Variants in MILR1 observed in about 807,000 individuals in gnomAD.
The protein encoded by MILR1 is mast cell immunoglobulin like receptor 1.
A neutral mutation model predicts 18.5 loss-of-function variants in MILR1; 31 were observed. The ratio of observed to expected loss-of-function variants is 1.68; its 90% CI spans 1.26 to 2.26. The LOEUF (loss-of-function observed/expected upper bound fraction) is 2.26. MILR1 is among the 30% of genes most tolerant of loss of function. The pLI is 0.00. For synonymous variants in MILR1, 85 were observed against 56.2 expected, an observed-to-expected ratio of 1.51 and a Z score of -2.30; for missense variants, 257 against 157.4, an observed-to-expected ratio of 1.63 and a Z score of -3.38.
At chr17:64,485,672 A>C in the MILR1 span, 2 of 1,380,198 alleles carry the variant, frequency 1.4e-6, no homozygotes, top group Non-Finnish European at 1.0e-6. Context: ...AACATTAAGA[A>C]CAAACAAACC....
the MILR1 span, chr17:64,491,460 T>G: frequency 4.0e-6 from 4 of 995,436 alleles, no homozygotes; most frequent in South Asian, 5.4e-5. Flanking sequence ...CAGTGAGCTG[T>G]GATTGTGCAA....
the MILR1 span, among the ~76,000 whole-genome samples, chr17:64,482,435 C>A: frequency 6.6e-6 from 1 of 151,820 alleles, no homozygotes; most frequent in Non-Finnish European, 1.5e-5. Flanking sequence ...GATTCTCCTG[C>A]CTTAGCCTCC....
At chr17:64,459,422 G>C (rs1178669200) in intron 4 of MILR1, among the ~76,000 whole-genome samples, 1 of 151,674 alleles carries the variant, frequency 6.6e-6, no homozygotes, top group Non-Finnish European at 1.5e-5. Flanking sequence ...GTAACAGAGC[G>C]AGACCCTGTC....
chr17:64,465,627 G>C (rs1315906676), intron 6 of MILR1, 86 bp downstream of exon 6: 4 of 1,409,640 alleles, frequency 2.8e-6, no homozygotes, highest in South Asian at 2.5e-5. Context: ...ACGGGAGTGG[G>C]GGGTGGAGCA....
At chr17:64,449,879 C>T (rs1428807826) in intron 2 of MILR1, among the ~76,000 whole-genome samples, 2 of 152,066 alleles carry the variant, frequency 1.3e-5, no homozygotes, top group African/African-American at 2.4e-5. Context: ...CTACTAGTTA[C>T]TAGCCAGCAG....
the MILR1 span, among the ~76,000 whole-genome samples, chr17:64,490,009 C>T: frequency 6.6e-6 from 1 of 151,936 alleles, no homozygotes; most frequent in Non-Finnish European, 1.5e-5. Context: ...ATCGCAACCT[C>T]CACCTCCCGG....
chr17:64,491,513 A>G, the MILR1 span: 56 of 1,514,774 alleles, frequency 3.7e-5, no homozygotes, highest in Middle Eastern at 2.4e-4. Flanking sequence ...ATGTCTCTAA[A>G]AAAACCAAGA....
chr17:64,455,776 C>T (rs921602796), intron 3 of MILR1, among the ~76,000 whole-genome samples: 69 of 152,000 alleles, frequency 4.5e-4, no homozygotes, highest in Admixed American at 9.8e-4. Flanking sequence ...CAGTGGCTCA[C>T]GCCTGTAATC....
At chr17:64,494,321 G>A in the MILR1 span, among the ~76,000 whole-genome samples, 1 of 152,220 alleles carries the variant, frequency 6.6e-6, no homozygotes, top group East Asian at 1.9e-4. Flanking sequence ...CATAACATGA[G>A]GAACATGTTA....
At position 64,466,427 on chromosome 17, in the gene MILR1, A is replaced by T. The variant is rs2037561841; in HGVS notation, c.854-15A>T. 3.7e-6 allele frequency: 6 copies of T among 1,611,964 alleles called. No individual in the cohort carries two copies. In the East Asian group the frequency reaches 8.9e-5, roughly 24 times the overall value. ...ACGCCACCAACCCCCAATTTATGTC[A>T]TTCTCATTTTACAGAGGAGGAATCT... On this transcript the variant is annotated splice_polypyrimidine_tract_variant and intron_variant, in intron 6 of 9. Coordinates refer to ENST00000619286, the MANE Select transcript of MILR1 (RefSeq NM_001085423.2).
At chr17:64,485,529 T>C in the MILR1 span, 1 of 596,310 alleles carries the variant, frequency 1.7e-6, no homozygotes, top group South Asian at 2.0e-5. Flanking sequence ...GATTACTTAT[T>C]AGGGATGCCT....
chr17:64,455,912 C>T (rs2037288247), intron 3 of MILR1, among the ~76,000 whole-genome samples: 1 of 151,868 alleles, frequency 6.6e-6, no homozygotes, highest in African/African-American at 2.4e-5. Context: ...TGGTGGTGGG[C>T]ACCTGTAATC....
chr17:64,490,760 G>A, the MILR1 span: 3 of 1,524,424 alleles, frequency 2.0e-6, no homozygotes, highest in Non-Finnish European at 2.7e-6. Context: ...AGAGAATCTG[G>A]GTAAAAAATA....
the MILR1 span, among the ~76,000 whole-genome samples, chr17:64,477,194 TGA>T: frequency 2.0e-5 from 3 of 152,230 alleles, no homozygotes; most frequent in Non-Finnish European, 2.9e-5. Flanking sequence ...AGCCCATTTC[TGA>T]GAGAGTAAGA....
chr17:64,472,712 T>C (rs539836405), downstream of MILR1, among the ~76,000 whole-genome samples: 9 of 152,070 alleles, frequency 5.9e-5, no homozygotes, highest in African/African-American at 9.7e-5. Context: ...CTAGGAAGAA[T>C]AGACTATCCC....
chr17:64,494,924 A>G, the MILR1 span, among the ~76,000 whole-genome samples: 9 of 152,220 alleles, frequency 5.9e-5, no homozygotes, highest in Non-Finnish European at 1.2e-4. Context: ...CTGTAATCCC[A>G]GCACTTTGGG....
At chr17:64,492,894 C>T in the MILR1 span, 75 of 1,613,894 alleles carry the variant, frequency 4.6e-5, no homozygotes, top group Non-Finnish European at 6.2e-5. Context: ...ACTTTTTATA[C>T]CTTTTAACAC....
At chr17:64,474,517 G>A in the MILR1 span, among the ~76,000 whole-genome samples, 2 of 152,132 alleles carry the variant, frequency 1.3e-5, no homozygotes, top group African/African-American at 4.8e-5. Flanking sequence ...TGGGACTATA[G>A]GCCTGAGCCA....
Position 64,468,634 on chromosome 17 carries a change from C to T in MILR1, c.*353C>T, listed in dbSNP as rs184692170. On this transcript the variant is annotated 3_prime_UTR_variant, in exon 10 of 10. Transcript: ENST00000619286. ...AAGGGTCTCCAAGAATAAATTCATC[C>T]GAACATGCATCCTTCTCTGAGCCTT... is the stretch of plus-strand genomic sequence containing the variant. The T allele has an allele frequency of 1.7e-4, 188 of 1,129,302 alleles. 1 individual carries two copies. The East Asian group carries it at 3.3e-3, about 20-fold the overall frequency. The allele number at this position is 1,129,302 out of a possible 1,614,324, so 70.0% of individuals were successfully genotyped here. A position where few individuals can be genotyped will look rare whatever the true frequency, so the allele number is the denominator to read the frequency against.
Sources: gnomAD v4.1 joint callset for allele counts (sites outside exome capture counted in the v4.1 genomes callset) on GRCh38, gnomAD v4.1.1 for gene constraint, MANE v1.5 for transcripts, NCBI Gene and HGNC (gene_info 2026-07-23, HGNC 2026-07-21) for gene names.